DNAJC17: variants seen among roughly 807,000 people sequenced by gnomAD.
DNAJC17 encodes the protein dnaJ homolog subfamily C member 17.
A neutral mutation model predicts 48.1 loss-of-function variants in DNAJC17; 35 were observed. The ratio of observed to expected loss-of-function variants is 0.73; its 90% CI spans 0.56 to 0.96. The LOEUF (loss-of-function observed/expected upper bound fraction) is 0.96. DNAJC17 is among the 50% of genes least tolerant of loss of function. The pLI is 0.00. For missense variants in DNAJC17, 355 were observed against 377.1 expected, an observed-to-expected ratio of 0.94 and a Z score of 0.48; for synonymous variants, 117 against 142.7, an observed-to-expected ratio of 0.82 and a Z score of 1.28.
rs999067626 is a variant in DNAJC17, at chr15:40,774,239, C to A, written c.681+117G>T. On this transcript the variant is annotated intron_variant, in intron 9 of 10. Coordinates refer to ENST00000220496, the MANE Select transcript of DNAJC17 (RefSeq NM_018163.3). Reference sequence around the variant, plus strand: ...CCCTGGGAAGAGCCTTGGCTCTAAGCTGGCCTGGAGATTCCCTAGGAGTGC... The same window carrying A: ...CCCTGGGAAGAGCCTTGGCTCTAAGATGGCCTGGAGATTCCCTAGGAGTGC... 5 of 1,190,132 alleles carry A rather than the reference C, an allele frequency of 4.2e-6. No individual in the cohort carries two copies. The Admixed American group carries it at 5.8e-5, about 14-fold the overall frequency. The allele number at this position is 1,190,132 out of a possible 1,614,324, so 73.7% of individuals were successfully genotyped here.
chr15:40,767,903 A>G lies in DNAJC17; in HGVS notation c.*37T>C. 1 of 1,592,690 alleles carries G rather than the reference A, an allele frequency of 6.3e-7. No homozygotes were observed. The highest frequency in any genetic ancestry group is 8.5e-7 in the Non-Finnish European group (1 of 1,174,314). On this transcript the variant is annotated 3_prime_UTR_variant, in exon 11 of 11. Coordinates refer to ENST00000220496, the MANE Select transcript of DNAJC17 (RefSeq NM_018163.3). The stretch of plus-strand genomic sequence containing the variant: ...AAAAAAAAATTTATTGGTGACGTTG[A>G]AGAAAAGGGCTGAGGGGTGGATGGC...
chr15:40,806,249 C>T (rs1309380143), intron 1 of DNAJC17, among the ~76,000 whole-genome samples: 2 of 142,898 alleles, frequency 1.4e-5, no homozygotes, highest in South Asian at 2.2e-4. Flanking sequence ...GAGACAGTCT[C>T]GCTCTGTCGC....
intron 3 of DNAJC17, 92 bp from the exon 4 acceptor site, chr15:40,779,402 C>T (rs1273455088): frequency 1.9e-6 from 3 of 1,558,916 alleles, no homozygotes; most frequent in Admixed American, 1.7e-5. Context: ...CACGAGCCAT[C>T]AGAGTGGCAG....
chr15:40,802,152 GAATTGAAAGAGTTC>G (rs1174414362), intron 1 of DNAJC17, among the ~76,000 whole-genome samples: 11 of 150,736 alleles, frequency 7.3e-5, no homozygotes, highest in Non-Finnish European at 8.9e-5. Context: ...TTTGGAGAGA[GAATTGAAAGAGTTC>G]AATTTTTTTT....
intron 1 of DNAJC17, among the ~76,000 whole-genome samples, chr15:40,781,186 GC>G (rs1488649532): frequency 4.0e-5 from 6 of 149,618 alleles, no homozygotes; most frequent in African/African-American, 1.5e-4. Flanking sequence ...ATTATGATTG[GC>G]CAGACATGGT....
At chr15:40,804,728 G>A (rs753283747) in intron 1 of DNAJC17, among the ~76,000 whole-genome samples, 36 of 152,250 alleles carry the variant, frequency 2.4e-4, no homozygotes, top group Non-Finnish European at 3.7e-4. Flanking sequence ...TCAGCCGGGC[G>A]CGGTGGCTCA....
At chr15:40,781,912 ACT>A (rs1265412335) in intron 1 of DNAJC17, among the ~76,000 whole-genome samples, 1 of 150,760 alleles carries the variant, frequency 6.6e-6, no homozygotes, top group Non-Finnish European at 1.5e-5. Flanking sequence ...ACAGAATGAG[ACT>A]CTGTCTCAAA....
rs1458170108 is a variant in DNAJC17 at position 40,770,597 on chromosome 15, C to A, written c.793-2535G>T. 1.2e-5 allele frequency: 19 copies of A among 1,550,598 alleles called. No individual in the cohort carries two copies. The East Asian group carries it at 4.6e-4, about 38-fold the overall frequency. ...TCCGGCGACAGAGTAGTGTGCTTAG[C>A]CAGGCCAGCACAGCAGGTGGGGACC... On this transcript the variant is annotated intron_variant, in intron 10 of 10. Coordinates refer to ENST00000220496, the MANE Select transcript of DNAJC17 (RefSeq NM_018163.3). The surrounding 1 kb of genome is among the most constrained non-coding windows in gnomAD (Gnocchi z 5.0).
At chr15:40,795,173 A>T (rs891868691) in intron 1 of DNAJC17, among the ~76,000 whole-genome samples, 2 of 151,298 alleles carry the variant, frequency 1.3e-5, no homozygotes, top group African/African-American at 2.4e-5. Context: ...ACACTTTAGG[A>T]GGCCGAGGCG....
chr15:40,785,641 C>T (rs1281406925), intron 1 of DNAJC17, among the ~76,000 whole-genome samples: 1 of 152,186 alleles, frequency 6.6e-6, no homozygotes, highest in Non-Finnish European at 1.5e-5. Flanking sequence ...CAGCAGGATG[C>T]CAATTGGACA....
chr15:40,774,385 C>G lies in DNAJC17; in HGVS notation c.652G>C (p.Val218Leu), dbSNP rs781237478. Reference sequence around the variant, plus strand: ...GCCTTGACGGTTGCAAACTCCACCACAGCAGTGCCTGGCTTCTTACTGGAA... The same window carrying G: ...GCCTTGACGGTTGCAAACTCCACCAGAGCAGTGCCTGGCTTCTTACTGGAA... The part of the protein sequence containing the change: ...VLSSKKPGTA[V>L]VEFATVKAAE... Residue 218 changes from valine to leucine, a missense_variant, in exon 9 of 11, where the codon GTG (valine) becomes CTG (leucine). Physicochemically the swap from Val to Leu is conservative, Grantham distance 32. Around this residue, in one of 3 missense-constraint regions of DNAJC17, gnomAD observed 68 missense variants for 109.5 expected, o/e 0.62. Transcript: ENST00000220496. 1.9e-6 allele frequency: 3 copies of G among 1,613,956 alleles called. No homozygotes were observed. The African/African-American group carries it at 4.0e-5, about 22-fold the overall frequency.
intron 1 of DNAJC17, 108 bp downstream of exon 1, chr15:40,807,261 C>A: frequency 6.3e-7 from 1 of 1,598,804 alleles, no homozygotes; most frequent in African/African-American, 1.3e-5. Context: ...CGCTCCCCGC[C>A]CAGGACCCGA....
At chr15:40,798,918 G>T (rs927743812) in intron 1 of DNAJC17, among the ~76,000 whole-genome samples, 1 of 152,146 alleles carries the variant, frequency 6.6e-6, no homozygotes, top group Non-Finnish European at 1.5e-5. Context: ...GAGTGTGTGT[G>T]TAAGAATTTG....
intron 1 of DNAJC17, 122 bp downstream of exon 1, chr15:40,807,247 C>A (rs776150648): frequency 6.3e-7 from 1 of 1,579,432 alleles, no homozygotes; most frequent in South Asian, 1.1e-5. Flanking sequence ...ATAGCGCCGA[C>A]CCTCGCTCCC....
At chr15:40,774,259 G>A in intron 9 of DNAJC17, 97 bp downstream of exon 9, 2 of 1,362,788 alleles carry the variant, frequency 1.5e-6, no homozygotes, top group Non-Finnish European at 2.1e-6. Context: ...GATTCCCTAG[G>A]AGTGCAGACC....
intron 1 of DNAJC17, among the ~76,000 whole-genome samples, chr15:40,803,876 C>A (rs752385568): frequency 1.6e-4 from 25 of 152,160 alleles, no homozygotes; most frequent in Non-Finnish European, 2.8e-4. Flanking sequence ...AGACCTTGGT[C>A]TCTTGCCTAG....
chr15:40,782,666 C>T (rs975722170), intron 1 of DNAJC17, among the ~76,000 whole-genome samples: 26 of 151,998 alleles, frequency 1.7e-4, no homozygotes, highest in African/African-American at 1.4e-4. Flanking sequence ...CCAAGATGGA[C>T]GCAAGAAACG....
intron 1 of DNAJC17, among the ~76,000 whole-genome samples, chr15:40,793,907 AG>A (rs1190177670): frequency 6.6e-6 from 1 of 152,142 alleles, no homozygotes; most frequent in Non-Finnish European, 1.5e-5. Context: ...GCAAGTATCC[AG>A]GCAATCTGAC....
chr15:40,801,535 T>C (rs1015197484), intron 1 of DNAJC17, among the ~76,000 whole-genome samples: 1 of 151,984 alleles, frequency 6.6e-6, no homozygotes, highest in African/African-American at 2.4e-5. Context: ...GGTGGGCGGA[T>C]CACGAGGTCA....
Sources: gnomAD v4.1 joint callset for allele counts (sites outside exome capture counted in the v4.1 genomes callset) on GRCh38, gnomAD v4.1.1 for gene constraint, gnomAD v4.1.1 regional missense constraint, Gnocchi (gnomAD v3.1) non-coding constraint, MANE v1.5 for transcripts, NCBI Gene and HGNC (gene_info 2026-07-23, HGNC 2026-07-21) for gene names.